The following INTS7 variants were observed in gnomAD, a reference collection of about 807,000 sequenced individuals.
INTS7 encodes integrator complex subunit 7, also known as chromosome 1 open reading frame 73.
INTS7 carries 46 observed loss-of-function variants against 109.2 expected under a neutral mutation model. The observed-to-expected ratio is 0.42, with a 90% confidence interval of 0.33 to 0.54. INTS7 has a LOEUF of 0.54. Among genes scored for constraint, INTS7 ranks in the 20% least tolerant of loss-of-function variants. The probability of loss-of-function intolerance (pLI) is 0.07; values close to 1 mark genes in which losing one functional copy is unlikely to be tolerated. For missense variants in INTS7, 929 were observed against 1,132.4 expected (o/e 0.82, Z 2.58); for synonymous variants, 412 against 402.9 (o/e 1.02, Z -0.27).
rs908844418 is a variant in INTS7, at chr1:211,982,773, G to T, written c.1035C>A (p.Val345=). The T allele has an allele frequency of 6.2e-7, 1 of 1,610,026 alleles. No individual in the cohort carries two copies. Among genetic ancestry groups the T allele is most frequent in the Non-Finnish European group, 8.5e-7 (1 of 1,177,580 alleles). Residue 345 remains valine (V), a synonymous_variant, in exon 9 of 20, where the codon GTC becomes GTA. Coordinates refer to ENST00000366994, the MANE Select transcript of INTS7 (RefSeq NM_015434.4). Reference sequence around the variant, plus strand: ...GGTAACAGCACTCTTGGGCTAATTTGACTAAATCAGAAGATCTGGGAGAAG... The same window carrying T: ...GGTAACAGCACTCTTGGGCTAATTTTACTAAATCAGAAGATCTGGGAGAAG... ...VSSSPRSSDL[V]KLAQECCYHN... is the part of the protein sequence containing the mutation.
At chr1:212,011,226 G>A in intron 5 of INTS7, 149 bp downstream of exon 5, 1 of 570,396 alleles carries the variant, frequency 1.8e-6, no homozygotes, top group Non-Finnish European at 3.1e-6. Context: ...TGTATCCTCA[G>A]CATTTAGAAC....
At chr1:211,951,839 A>T (rs1261770776) in intron 17 of INTS7, among the ~76,000 whole-genome samples, 2 of 152,200 alleles carry the variant, frequency 1.3e-5, no homozygotes, top group Admixed American at 6.5e-5. Flanking sequence ...ACCTGAGCAG[A>T]GATACTGGGG....
chr1:211,991,945 G>C (rs1439858261), intron 7 of INTS7, among the ~76,000 whole-genome samples: 2 of 152,250 alleles, frequency 1.3e-5, no homozygotes, highest in African/African-American at 4.8e-5. Flanking sequence ...CCTAAGCACA[G>C]TGACAGGAAA....
chr1:212,006,636 T>G lies in INTS7; in HGVS notation c.879+3A>C. On this transcript the variant is annotated splice_donor_region_variant and intron_variant, in intron 7 of 19. Transcript: ENST00000366994. Reference sequence around the variant, plus strand: ...TATATAAAATGTTACAAGTTCTACATACCTGAATATTCTCCCTACTCCAAG... The same window carrying G: ...TATATAAAATGTTACAAGTTCTACAGACCTGAATATTCTCCCTACTCCAAG... The G allele has an allele frequency of 1.3e-6, 2 of 1,498,982 alleles. No individual in the cohort carries two copies. Among genetic ancestry groups the G allele is most frequent in the Non-Finnish European group, 1.8e-6 (2 of 1,089,832 alleles). The allele number at this position is 1,498,982 out of a possible 1,614,324, so 92.9% of individuals were successfully genotyped here. A position where few individuals can be genotyped will look rare whatever the true frequency, so the allele number is the denominator to read the frequency against.
Position 211,944,780 on chromosome 1 carries a change from T to C in INTS7, c.2601+4A>G, listed in dbSNP as rs757227258. On this transcript the variant is annotated splice_donor_region_variant and intron_variant, in intron 19 of 19. Transcript: ENST00000366994. Reference sequence around the variant, plus strand: ...ATCACAATTCTGCCTCTTTTCTAAATTACCTTGTAGTCTTGTCCAGATTTA... The same window carrying C: ...ATCACAATTCTGCCTCTTTTCTAAACTACCTTGTAGTCTTGTCCAGATTTA... 1 of 1,611,004 alleles carries C rather than the reference T, an allele frequency of 6.2e-7. No individual in the cohort carries two copies. Among genetic ancestry groups the C allele is most frequent in the African/African-American group, 1.3e-5 (1 of 74,968 alleles).
intron 7 of INTS7, among the ~76,000 whole-genome samples, chr1:211,998,334 AT>A (rs547106727): frequency 1.1e-4 from 17 of 152,378 alleles, no homozygotes; most frequent in African/African-American, 4.1e-4. Flanking sequence ...AAGAGTTGCC[AT>A]AAAACGATGG....
intron 5 of INTS7, among the ~76,000 whole-genome samples, chr1:212,009,839 T>C (rs910754347): frequency 9.8e-5 from 15 of 152,296 alleles, no homozygotes; most frequent in Admixed American, 8.5e-4. Flanking sequence ...GAAAGCCCTT[T>C]TGCTAATGGT....
intron 11 of INTS7, 32 bp downstream of exon 11, chr1:211,978,240 C>A (rs974642771): frequency 6.2e-7 from 1 of 1,611,878 alleles, no homozygotes; most frequent in African/African-American, 1.3e-5. Flanking sequence ...AGATCCTAGT[C>A]ATTCAAAGGA....
At chr1:211,991,953 A>C (rs1435339084) in intron 7 of INTS7, among the ~76,000 whole-genome samples, 1 of 152,262 alleles carries the variant, frequency 6.6e-6, no homozygotes, top group Non-Finnish European at 1.5e-5. Flanking sequence ...CAGTGACAGG[A>C]AAACAGATCA....
chr1:211,997,878 CA>C (rs112560573), intron 7 of INTS7, among the ~76,000 whole-genome samples: 2,766 of 82,208 alleles, frequency 0.034, 74 homozygotes, highest in African/African-American at 0.1. Flanking sequence ...AACTCCAACT[CA>C]AAAAAAAAAA....
intron 1 of INTS7, among the ~76,000 whole-genome samples, chr1:212,026,486 T>G (rs187902814): frequency 7.8e-4 from 119 of 152,300 alleles, no homozygotes; most frequent in African/African-American, 2.6e-3. Context: ...CACAAAGAAC[T>G]GCCTCTGAAG....
At chr1:211,967,451 CAAAAAA>C (rs35896290) in intron 15 of INTS7, among the ~76,000 whole-genome samples, 26 of 82,450 alleles carry the variant, frequency 3.2e-4, no homozygotes, top group African/African-American at 1.3e-3. Flanking sequence ...GACTCCATCT[CAAAAAA>C]AAAAAAAAAA....
intron 1 of INTS7, among the ~76,000 whole-genome samples, chr1:212,027,481 C>A (rs1259312568): frequency 7.9e-5 from 12 of 151,782 alleles, no homozygotes; most frequent in East Asian, 3.8e-4. Flanking sequence ...CAAAAAAAAA[C>A]AAAAACAAAA....
Position 212,020,279 on chromosome 1 carries a change from C to T in INTS7, c.225-11G>A. ...CTCAGGAAATTATTTCTAGAAAAAC[C>T]AGAAATAAATTAGGTCACTTTAGAA... is the stretch of plus-strand genomic sequence containing the variant. On this transcript the variant is annotated splice_polypyrimidine_tract_variant and intron_variant, in intron 2 of 19. Coordinates refer to ENST00000366994, the MANE Select transcript of INTS7 (RefSeq NM_015434.4). The T allele has an allele frequency of 6.6e-7, 1 of 1,508,688 alleles. No homozygotes were observed. The highest frequency in any genetic ancestry group is 9.0e-7 in the Non-Finnish European group (1 of 1,111,312). The allele number at this position is 1,508,688 out of a possible 1,614,324, so 93.5% of individuals were successfully genotyped here. A position where few individuals can be genotyped will look rare whatever the true frequency, so the allele number is the denominator to read the frequency against.
intron 6 of INTS7, among the ~76,000 whole-genome samples, 173 bp from the exon 7 acceptor site, chr1:212,006,934 C>T (rs1380492316): frequency 1.3e-5 from 2 of 152,066 alleles, no homozygotes; most frequent in African/African-American, 4.8e-5. Flanking sequence ...TTGTAAAATA[C>T]TACCATTTAA....
chr1:212,013,676 T>A (rs1212947647), intron 4 of INTS7, among the ~76,000 whole-genome samples: 1 of 152,212 alleles, frequency 6.6e-6, no homozygotes, highest in South Asian at 2.1e-4. Flanking sequence ...TATACAGGAA[T>A]ACCATTTTTA....
chr1:211,978,124 T>TC (rs2102422888), intron 11 of INTS7, 148 bp downstream of exon 11: 1 of 913,480 alleles, frequency 1.1e-6, no homozygotes, highest in South Asian at 1.6e-5. Context: ...TATTTTGACA[T>TC]CAGCACACTC....
chr1:212,028,024 ACCATGTTGGCCAGGCCAATCTCAAACTC>A (rs1011352906), intron 1 of INTS7, among the ~76,000 whole-genome samples: 3 of 152,080 alleles, frequency 2.0e-5, no homozygotes, highest in African/African-American at 7.2e-5. Flanking sequence ...ACAGGATTTC[ACCATGTTGGCCAGGCCAATCTCAAACTC>A]CCAACCTCAG....
At chr1:211,999,718 T>A (rs1432972263) in intron 7 of INTS7, among the ~76,000 whole-genome samples, 1 of 152,196 alleles carries the variant, frequency 6.6e-6, no homozygotes, top group East Asian at 1.9e-4. Context: ...TCTTAACTGC[T>A]TTCATTATTA....
Sources: allele counts gnomAD v4.1 joint callset (sites outside exome capture counted in the v4.1 genomes callset), GRCh38; gene constraint gnomAD v4.1.1; transcripts MANE v1.5; gene names NCBI Gene and HGNC (gene_info 2026-07-23, HGNC 2026-07-21).